Variants in SLIT2 observed in about 807,000 individuals in gnomAD.
SLIT2 encodes slit homolog 2 protein.
In SLIT2, 41 loss-of-function variants were observed where a neutral mutation model predicts 185.7. That is an observed-to-expected ratio of 0.22 (90% CI 0.17 to 0.29). SLIT2 has a LOEUF of 0.29. Ranked by LOEUF, SLIT2 falls within the 10% of genes least tolerant of loss-of-function variation. SLIT2 has a pLI of 1.00. For synonymous variants in SLIT2, 693 were observed against 680.2 expected (o/e 1.02, Z -0.29); for missense variants, 1,571 against 1,909.0 (o/e 0.82, Z 3.30).
chr4:20,389,552 G>A (rs1247810936), intron 4 of SLIT2, among the ~76,000 whole-genome samples: 2 of 151,260 alleles, frequency 1.3e-5, no homozygotes, highest in African/African-American at 2.4e-5. Flanking sequence ...TTTAACCACC[G>A]AGATTTTGAG....
chr4:20,522,063 T>C (rs539103893), intron 12 of SLIT2, among the ~76,000 whole-genome samples: 1 of 152,142 alleles, frequency 6.6e-6, no homozygotes, highest in Non-Finnish European at 1.5e-5. Flanking sequence ...AAAAAATTTC[T>C]CCATTCCTAT....
intron 4 of SLIT2, among the ~76,000 whole-genome samples, chr4:20,292,622 A>G (rs761833873): frequency 6.6e-6 from 1 of 152,234 alleles, no homozygotes; most frequent in Non-Finnish European, 1.5e-5. Flanking sequence ...TTTATTAGCA[A>G]TGATAAAATC....
chr4:20,261,167 A>T, intron 3 of SLIT2, among the ~76,000 whole-genome samples: 1 of 151,794 alleles, frequency 6.6e-6, no homozygotes, highest in East Asian at 1.9e-4. Context: ...TTTATCTGGG[A>T]TGAAAATGAA....
At chr4:20,516,972 A>C (rs2148835435) in intron 11 of SLIT2, among the ~76,000 whole-genome samples, 1 of 152,296 alleles carries the variant, frequency 6.6e-6, no homozygotes, top group South Asian at 2.1e-4. Flanking sequence ...TTATTGAAAA[A>C]AATAATTACA....
At chr4:20,261,261 A>G (rs2109015446) in intron 3 of SLIT2, among the ~76,000 whole-genome samples, 1 of 151,892 alleles carries the variant, frequency 6.6e-6, no homozygotes, top group South Asian at 2.1e-4. Context: ...AATGTACTCT[A>G]CCTAGATGAC....
intron 36 of SLIT2, among the ~76,000 whole-genome samples, chr4:20,618,351 T>A (rs1729840680): frequency 6.6e-6 from 1 of 152,246 alleles, no homozygotes; most frequent in Admixed American, 6.5e-5. Context: ...AATGGAATGT[T>A]ACTTGTATTA....
intron 11 of SLIT2, among the ~76,000 whole-genome samples, chr4:20,516,805 T>C (rs1720259072): frequency 2.6e-5 from 4 of 152,212 alleles, no homozygotes; most frequent in Admixed American, 1.3e-4. Context: ...TATTTCTTTA[T>C]TATTTTTATG....
At chr4:20,426,469 G>A (rs983823366) in intron 4 of SLIT2, among the ~76,000 whole-genome samples, 2 of 152,196 alleles carry the variant, frequency 1.3e-5, no homozygotes, top group African/African-American at 2.4e-5. Context: ...AGATTTAGCA[G>A]TGTGTTATCC....
intron 3 of SLIT2, among the ~76,000 whole-genome samples, chr4:20,268,497 A>C (rs1033457363): frequency 2.6e-5 from 4 of 151,754 alleles, no homozygotes; most frequent in African/African-American, 9.7e-5. Flanking sequence ...GAAGTCACCT[A>C]CCTTAGGCGC....
chr4:20,277,111 T>G (rs898972042), intron 4 of SLIT2, among the ~76,000 whole-genome samples: 8 of 152,100 alleles, frequency 5.3e-5, no homozygotes, highest in Non-Finnish European at 8.8e-5. Context: ...CACCAAGACT[T>G]TTATTACCCC....
intron 26 of SLIT2, among the ~76,000 whole-genome samples, chr4:20,564,469 T>C (rs1724934140): frequency 1.3e-5 from 2 of 151,880 alleles, no homozygotes; most frequent in African/African-American, 4.8e-5. Context: ...TTTAGAGATA[T>C]GAGAGGAGGC....
At chr4:20,416,190 G>C (rs1490693543) in intron 4 of SLIT2, among the ~76,000 whole-genome samples, 1 of 152,178 alleles carries the variant, frequency 6.6e-6, no homozygotes, top group Non-Finnish European at 1.5e-5. Context: ...CACAGACTGG[G>C]AAGCTTCAAG....
intron 4 of SLIT2, among the ~76,000 whole-genome samples, chr4:20,429,064 G>T (rs1329966239): frequency 6.6e-6 from 1 of 152,192 alleles, no homozygotes; most frequent in African/African-American, 2.4e-5. Context: ...ACAGATGGAC[G>T]TTTCGACTTT....
In SLIT2 at chr4:20,529,072, A is replaced by G. The variant is rs1263836131; in HGVS notation, c.1586A>G (p.Glu529Gly). Residue 529 changes from glutamate (E) to glycine (G), a missense_variant, in exon 16 of 37, where the codon GAG becomes GGG. Coordinates refer to ENST00000504154, the MANE Select transcript of SLIT2 (RefSeq NM_004787.4). ...AATCAAAAGCTCAACAAAATCCCGG[A>G]GCACATTCCCCAGTACACTGCAGAG... ...CSNQKLNKIP[E>G]HIPQYTAELR... 6.2e-7 allele frequency: 1 copy of G among 1,613,840 alleles called. No individual in the cohort carries two copies. Among genetic ancestry groups the G allele is most frequent in the East Asian group, 2.2e-5 (1 of 44,884 alleles).
chr4:20,441,519 G>C (rs867991269), intron 4 of SLIT2, among the ~76,000 whole-genome samples: 15 of 108,032 alleles, frequency 1.4e-4, no homozygotes, highest in South Asian at 6.8e-4. Flanking sequence ...CCCCACTTCT[G>C]TCTCTCTCTC....
chr4:20,518,557 G>GTGTGTATA (rs1271279922), intron 11 of SLIT2, among the ~76,000 whole-genome samples: 25 of 17,862 alleles, frequency 1.4e-3, no homozygotes, highest in South Asian at 2.7e-3. Flanking sequence ...CAGCCTATAT[G>GTGTGTATA]TATATATATA....
chr4:20,332,063 G>A (rs1231180231), intron 4 of SLIT2, among the ~76,000 whole-genome samples: 5 of 152,064 alleles, frequency 3.3e-5, no homozygotes, highest in Non-Finnish European at 4.4e-5. Context: ...TTTAGCTGTC[G>A]TGAATTATGC....
At chr4:20,565,236 C>T (rs1166240165) in intron 26 of SLIT2, among the ~76,000 whole-genome samples, 1 of 151,910 alleles carries the variant, frequency 6.6e-6, no homozygotes, top group Non-Finnish European at 1.5e-5. Flanking sequence ...CATTTTTTCT[C>T]GAGGCCGTGG....
intron 21 of SLIT2, among the ~76,000 whole-genome samples, chr4:20,542,967 C>T (rs983644994): frequency 6.6e-6 from 1 of 151,914 alleles, no homozygotes; most frequent in Non-Finnish European, 1.5e-5. Flanking sequence ...TGTTCCTATA[C>T]CCCTTTTCTC....
Sources: allele counts gnomAD v4.1 joint callset (sites outside exome capture counted in the v4.1 genomes callset), GRCh38; gene constraint gnomAD v4.1.1; transcripts MANE v1.5; gene names NCBI Gene and HGNC (gene_info 2026-07-23, HGNC 2026-07-21).